Variants in TACC1 observed in about 807,000 individuals in gnomAD.
The protein encoded by TACC1 is transforming acidic coiled-coil containing protein 1.
TACC1 carries 48 observed loss-of-function variants against 84.4 expected under a neutral mutation model. The ratio of observed to expected loss-of-function variants is 0.57; its 90% CI spans 0.45 to 0.72. The LOEUF (loss-of-function observed/expected upper bound fraction) is 0.72, where lower values mean the gene tolerates loss of function less well. Ranked by LOEUF, TACC1 falls within the 30% of genes least tolerant of loss-of-function variation. The probability of loss-of-function intolerance (pLI) is 0.00; values close to 1 mark genes in which losing one functional copy is unlikely to be tolerated. For missense variants in TACC1, 920 were observed against 973.0 expected (o/e 0.95, Z 0.72); for synonymous variants, 372 against 376.3 (o/e 0.99, Z 0.13).
intron 2 of TACC1, among the ~76,000 whole-genome samples, chr8:38,804,325 A>G (rs1822133906): frequency 6.6e-6 from 1 of 151,776 alleles, no homozygotes. Context: ...TTGGGATGGA[A>G]TTTCGCTCTT....
intron 3 of TACC1, chr8:38,824,051 T>C: frequency 7.4e-7 from 1 of 1,351,378 alleles, no homozygotes. Context: ...GTTTCTTTAG[T>C]CCCTGGGACC....
chr8:38,820,431 C>T lies in TACC1; in HGVS notation c.1187C>T (p.Pro396Leu), dbSNP rs769672601. The T allele has an allele frequency of 2.5e-6, 4 of 1,614,196 alleles. No individual in the cohort carries two copies. The highest frequency in any genetic ancestry group is 2.5e-6 in the Non-Finnish European group (3 of 1,180,032). Residue 396 changes from proline to leucine, a missense_variant, in exon 3 of 13, where the codon CCC becomes CTC. Transcript: ENST00000317827. Reference sequence around the variant, plus strand: ...CAGTGGGAAAGCCCCAGCTTCAACCCCTTTGGGAGCCACTCTGTTCTGCAG... The same window carrying T: ...CAGTGGGAAAGCCCCAGCTTCAACCTCTTTGGGAGCCACTCTGTTCTGCAG... ...PSQWESPSFN[P>L]FGSHSVLQNS...
Position 38,819,890 on chromosome 8 carries a change from G to A in TACC1, c.646G>A (p.Gly216Ser), listed in dbSNP as rs766768779. Reference protein sequence around the residue: ...EASAEADLKAGNSCPELVPSR... With the variant: ...EASAEADLKASNSCPELVPSR... ...CTCCGCAGAAGCTGATCTAAAAGCTGGCAACTCCTGTCCAGAGCTTGTGCC... is the reference window on the plus strand; with the variant it reads ...CTCCGCAGAAGCTGATCTAAAAGCTAGCAACTCCTGTCCAGAGCTTGTGCC... Residue 216 changes from glycine to serine, a missense_variant, in exon 3 of 13, where the codon GGC becomes AGC. By Grantham distance (56) the Gly-to-Ser change is moderately conservative. Around this residue, in one of 2 missense-constraint regions of TACC1, gnomAD observed 762 missense variants for 747.3 expected, o/e 1.02. Transcript: ENST00000317827. The A allele has an allele frequency of 1.3e-5, 21 of 1,613,908 alleles. No homozygotes were observed. In the East Asian group the frequency reaches 4.7e-4, roughly 36 times the overall value.
chr8:38,739,136 G>C (rs1032108188), intron 1 of TACC1, among the ~76,000 whole-genome samples: 5 of 152,154 alleles, frequency 3.3e-5, no homozygotes, highest in African/African-American at 1.2e-4. Flanking sequence ...TGATCTGCCT[G>C]CCTTATGCTC....
upstream of TACC1, among the ~76,000 whole-genome samples, chr8:38,782,588 G>A (rs942897224): frequency 1.3e-5 from 2 of 152,196 alleles, no homozygotes; most frequent in South Asian, 2.1e-4. Flanking sequence ...TAGTCTGCTC[G>A]AAAGGAATCT....
chr8:38,811,770 G>T (rs973608411), intron 2 of TACC1, among the ~76,000 whole-genome samples: 1 of 152,138 alleles, frequency 6.6e-6, no homozygotes, highest in African/African-American at 2.4e-5. Flanking sequence ...CCTTGAAAAA[G>T]AACAGAATAA....
intron 2 of TACC1, among the ~76,000 whole-genome samples, chr8:38,792,634 T>G (rs1312741941): frequency 1.3e-5 from 2 of 152,032 alleles, no homozygotes; most frequent in African/African-American, 4.8e-5. Flanking sequence ...CCCAGCTAAT[T>G]TTTTGTATTT....
rs1812072374 is a variant in TACC1, at chr8:38,765,524, C to T, written c.26+20031C>T. On this transcript the variant is annotated intron_variant, in intron 3 of 14. Transcript: ENST00000518415. ...ATGAATATCCACAAGGCTAACACTG[C>T]CCCTTTATTATTCAGGAAGATATTT... Among the ~76,000 whole-genome samples, 3 of 152,132 alleles carry T rather than the reference C, an allele frequency of 2.0e-5. No individual in the cohort carries two copies. In the South Asian group the frequency reaches 6.2e-4, roughly 31 times the overall value.
At chr8:38,732,004 C>G (rs1271346781) in intron 1 of TACC1, among the ~76,000 whole-genome samples, 1 of 152,096 alleles carries the variant, frequency 6.6e-6, no homozygotes, top group Non-Finnish European at 1.5e-5. Flanking sequence ...CTCAGCTACT[C>G]CAGAGGCTGA....
intron 2 of TACC1, among the ~76,000 whole-genome samples, chr8:38,801,753 A>G (rs970352269): frequency 1.1e-4 from 16 of 152,334 alleles, no homozygotes; most frequent in Non-Finnish European, 2.1e-4. Flanking sequence ...ATTTTTGCAA[A>G]GAAGGCAGCT....
At chr8:38,771,427 G>A (rs1813581288) in intron 3 of TACC1, among the ~76,000 whole-genome samples, 1 of 152,182 alleles carries the variant, frequency 6.6e-6, no homozygotes, top group Non-Finnish European at 1.5e-5. Context: ...GGGGTTTCAG[G>A]ATATTGTGGA....
chr8:38,785,862 C>A, upstream of TACC1: 1 of 362,232 alleles, frequency 2.8e-6, no homozygotes, highest in Non-Finnish European at 3.8e-6. Flanking sequence ...TGGGAAGAAG[C>A]CAGGATGAAT....
At chr8:38,745,555 G>GT (rs1807919447) in intron 3 of TACC1, 2 of 669,512 alleles carry the variant, frequency 3.0e-6, no homozygotes, top group Non-Finnish European at 5.4e-6. Flanking sequence ...TTTTGTTTTT[G>GT]TTTTTTGAGA....
At chr8:38,800,583 A>G (rs1456626196) in intron 2 of TACC1, among the ~76,000 whole-genome samples, 1 of 152,232 alleles carries the variant, frequency 6.6e-6, no homozygotes, top group Non-Finnish European at 1.5e-5. Flanking sequence ...TGTAGCAAGT[A>G]TCGGGACTTT....
chr8:38,736,088 T>C (rs1013094306), intron 1 of TACC1, among the ~76,000 whole-genome samples: 4 of 152,196 alleles, frequency 2.6e-5, no homozygotes, highest in African/African-American at 9.6e-5. Flanking sequence ...GCTGCCAGCA[T>C]TCCTTGGCTT....
chr8:38,783,491 G>A (rs1816551635), upstream of TACC1, among the ~76,000 whole-genome samples: 2 of 150,638 alleles, frequency 1.3e-5, no homozygotes, highest in African/African-American at 2.4e-5. Flanking sequence ...GCATGATCTC[G>A]GCTCACCGCA....
chr8:38,825,305 C>A lies in TACC1; in HGVS notation c.1392-3C>A, dbSNP rs1456341436. On this transcript the variant is annotated splice_region_variant and splice_polypyrimidine_tract_variant and intron_variant, in intron 3 of 12. Transcript: ENST00000317827. ...GGCTTGTTTGTGTTTCTTCTCTTTC[C>A]AGGAGTGGCTGTAAGGTGAAGAAGC... 6 of 1,614,076 alleles carry A rather than the reference C, an allele frequency of 3.7e-6. No individual in the cohort carries two copies. The African/African-American group carries it at 8.0e-5, about 22-fold the overall frequency.
chr8:38,781,681 A>T (rs1816027568), intron 3 of TACC1, among the ~76,000 whole-genome samples: 1 of 152,178 alleles, frequency 6.6e-6, no homozygotes, highest in Admixed American at 6.5e-5. Context: ...GCGCCTGGCC[A>T]GGAATATTAT....
chr8:38,747,834 ACT>A (rs1410141801), intron 3 of TACC1, among the ~76,000 whole-genome samples: 1 of 152,150 alleles, frequency 6.6e-6, no homozygotes, highest in African/African-American at 2.4e-5. Flanking sequence ...CCAAGAGCAA[ACT>A]CTAATGTAAA....
Sources: allele counts gnomAD v4.1 joint callset (sites outside exome capture counted in the v4.1 genomes callset), GRCh38; gene constraint gnomAD v4.1.1; regional missense constraint gnomAD v4.1.1; transcripts MANE v1.5; gene names NCBI Gene and HGNC (gene_info 2026-07-23, HGNC 2026-07-21).